Variants in ERBB4 observed in about 807,000 individuals in gnomAD.
ERBB4 encodes receptor tyrosine-protein kinase erbB-4.
A neutral mutation model predicts 158.0 loss-of-function variants in ERBB4; 42 were observed. The observed-to-expected ratio is 0.27, with a 90% CI of 0.21 to 0.34. The LOEUF is 0.34. Ranked by LOEUF, ERBB4 falls within the 10% of genes least tolerant of loss-of-function variation. ERBB4 has a pLI of 1.00. For missense variants in ERBB4, 1,333 were observed against 1,624.1 expected (o/e 0.82, Z 3.08); for synonymous variants, 583 against 558.7 (o/e 1.04, Z -0.61).
chr2:212,227,759 A>G (rs1258373434), intron 1 of ERBB4, among the ~76,000 whole-genome samples: 3 of 152,182 alleles, frequency 2.0e-5, no homozygotes, highest in East Asian at 1.9e-4. Context: ...ATAGACTTTT[A>G]TAAGATTAAA....
chr2:211,824,825 T>G (rs1559550434), intron 3 of ERBB4, among the ~76,000 whole-genome samples: 1 of 151,966 alleles, frequency 6.6e-6, no homozygotes, highest in Non-Finnish European at 1.5e-5. Flanking sequence ...AATATGTTTG[T>G]TTTTACACAA....
intron 25 of ERBB4, among the ~76,000 whole-genome samples, chr2:211,390,140 A>G (rs2062770606): frequency 6.6e-6 from 1 of 152,224 alleles, no homozygotes; most frequent in African/African-American, 2.4e-5. Context: ...ACCAAATTAC[A>G]AACACTGGCC....
At chr2:212,152,159 A>C (rs186034900) in intron 1 of ERBB4, among the ~76,000 whole-genome samples, 9 of 152,116 alleles carry the variant, frequency 5.9e-5, no homozygotes. Flanking sequence ...TTTATAAAAC[A>C]TAGTTAAGAG....
At chr2:212,023,745 T>A (rs2076710661) in intron 2 of ERBB4, among the ~76,000 whole-genome samples, 1 of 151,888 alleles carries the variant, frequency 6.6e-6, no homozygotes, top group African/African-American at 2.4e-5. Flanking sequence ...ATTTTATTGC[T>A]CTGATGAGTA....
At chr2:212,091,978 C>T (rs1357599383) in intron 2 of ERBB4, among the ~76,000 whole-genome samples, 1 of 152,102 alleles carries the variant, frequency 6.6e-6, no homozygotes, top group Admixed American at 6.6e-5. Context: ...AGTATTTTCT[C>T]TCTTCCTAAT....
intron 16 of ERBB4, among the ~76,000 whole-genome samples, chr2:211,632,231 T>C (rs2070169798): frequency 1.3e-5 from 2 of 152,096 alleles, no homozygotes; most frequent in African/African-American, 2.4e-5. Context: ...AACTATAGTA[T>C]GGAAAAAAAT....
At chr2:212,198,733 CTT>C (rs11448093) in intron 1 of ERBB4, among the ~76,000 whole-genome samples, 10 of 96,422 alleles carry the variant, frequency 1.0e-4, no homozygotes, top group African/African-American at 1.4e-4. Context: ...TCACCACGCC[CTT>C]TTTTTTTTTT....
chr2:211,815,090 G>A (rs912475448), intron 3 of ERBB4, among the ~76,000 whole-genome samples: 1 of 151,992 alleles, frequency 6.6e-6, no homozygotes, highest in African/African-American at 2.4e-5. Flanking sequence ...AAAGTGTAAG[G>A]ACTTATAAAA....
At chr2:212,025,801 G>A (rs149296458) in intron 2 of ERBB4, among the ~76,000 whole-genome samples, 23 of 151,724 alleles carry the variant, frequency 1.5e-4, no homozygotes, top group Middle Eastern at 6.8e-3. Flanking sequence ...AATAAGTGAT[G>A]AGCCAAAATT....
intron 1 of ERBB4, among the ~76,000 whole-genome samples, chr2:212,180,751 A>G (rs994146960): frequency 4.0e-5 from 6 of 151,732 alleles, no homozygotes; most frequent in African/African-American, 1.4e-4. Context: ...TTAGAAACGT[A>G]TATTTCTAAT....
intron 1 of ERBB4, among the ~76,000 whole-genome samples, chr2:212,378,470 T>G (rs928238988): frequency 1.3e-5 from 2 of 151,862 alleles, no homozygotes; most frequent in Non-Finnish European, 2.9e-5. Flanking sequence ...CTTTCTTATG[T>G]ATGATATAGT....
At chr2:211,493,775 A>C (rs2065404111) in intron 20 of ERBB4, among the ~76,000 whole-genome samples, 1 of 152,118 alleles carries the variant, frequency 6.6e-6, no homozygotes, top group African/African-American at 2.4e-5. Flanking sequence ...TAACTAGGTT[A>C]ATAAATCAAA....
chr2:211,881,677 G>C (rs1195630945), intron 3 of ERBB4, among the ~76,000 whole-genome samples: 1 of 152,068 alleles, frequency 6.6e-6, no homozygotes, highest in African/African-American at 2.4e-5. Flanking sequence ...ATGTAGATCA[G>C]ATACCGCCCC....
At chr2:212,095,662 G>A (rs1236020370) in intron 2 of ERBB4, among the ~76,000 whole-genome samples, 1 of 152,172 alleles carries the variant, frequency 6.6e-6, no homozygotes, top group Admixed American at 6.5e-5. Context: ...GCCGGGCGCG[G>A]TGGCTCACGC....
intron 1 of ERBB4, among the ~76,000 whole-genome samples, chr2:212,248,145 TTAAAA>T (rs1269049100): frequency 6.6e-6 from 1 of 152,014 alleles, no homozygotes; most frequent in Admixed American, 6.5e-5. Context: ...AAATTAATAA[TTAAAA>T]TAATTTAAAA....
rs1193503311 is a variant in ERBB4, at chr2:211,383,726, C to G, written c.3816G>C (p.Gly1272=). 3.1e-6 allele frequency: 5 copies of G among 1,613,924 alleles called. No homozygotes were observed. The highest frequency in any genetic ancestry group is 4.2e-6 in the Non-Finnish European group (5 of 1,179,992). Residue 1272 remains glycine (G), a synonymous_variant, in exon 28 of 28, where the codon GGG becomes GGC. Coordinates refer to ENST00000342788, the MANE Select transcript of ERBB4 (RefSeq NM_005235.3). The part of the protein sequence containing the change: ...YSTKYFYKQN[G]RIRPIVAENP... ...TCTCTGCCACAATAGGCCGGATCCGCCCATTCTGTTTATAAAAATATTTTG... is the reference window on the plus strand; with the variant it reads ...TCTCTGCCACAATAGGCCGGATCCGGCCATTCTGTTTATAAAAATATTTTG...
chr2:212,533,108 C>G (rs953759078), intron 1 of ERBB4, among the ~76,000 whole-genome samples: 1 of 152,118 alleles, frequency 6.6e-6, no homozygotes, highest in Non-Finnish European at 1.5e-5. Flanking sequence ...TAGAACAATT[C>G]TGAAAATAAT....
chr2:212,130,498 A>G (rs1002788415), intron 1 of ERBB4, among the ~76,000 whole-genome samples: 1 of 152,156 alleles, frequency 6.6e-6, no homozygotes, highest in Non-Finnish European at 1.5e-5. Context: ...AATTTGATTC[A>G]TGGGGAAATA....
chr2:212,516,856 T>C (rs190838779), intron 1 of ERBB4, among the ~76,000 whole-genome samples: 17 of 152,256 alleles, frequency 1.1e-4, no homozygotes, highest in African/African-American at 3.8e-4. Context: ...TTCACTGCTA[T>C]GCAAGGCCTG....
Sources: gnomAD v4.1 joint callset for allele counts (sites outside exome capture counted in the v4.1 genomes callset) on GRCh38, gnomAD v4.1.1 for gene constraint, MANE v1.5 for transcripts, NCBI Gene and HGNC (gene_info 2026-07-23, HGNC 2026-07-21) for gene names.